Variants in MLXIP observed in about 807,000 individuals in gnomAD.
The protein encoded by MLXIP is MLX-interacting protein.
A neutral mutation model predicts 87.2 loss-of-function variants in MLXIP; 30 were observed. That is an observed-to-expected ratio of 0.34 (90% CI 0.26 to 0.47). The LOEUF (loss-of-function observed/expected upper bound fraction) is 0.47. Among genes scored for constraint, MLXIP ranks in the 20% least tolerant of loss-of-function variants. The pLI is 1.00. For missense variants in MLXIP, 1,002 were observed against 1,240.1 expected, an observed-to-expected ratio of 0.81 and a Z score of 2.88; for synonymous variants, 530 against 514.0, an observed-to-expected ratio of 1.03 and a Z score of -0.42.
chr12:122,101,478 T>C (rs996095799), intron 1 of MLXIP, among the ~76,000 whole-genome samples: 3 of 151,376 alleles, frequency 2.0e-5, no homozygotes, highest in African/African-American at 7.2e-5. Context: ...CTTTTTGTGT[T>C]GTATTTAAGA....
rs370703829 is a variant in MLXIP at position 122,138,797 on chromosome 12, C to T, written c.2385-18C>T. On this transcript the variant is annotated intron_variant, in intron 14 of 16. Transcript: ENST00000319080. ...GCCACTGGCTGCTCCACAGCTCCCA[C>T]GGCTCCTGTCATTTCAGCTCCTGCC... 4.0e-5 allele frequency: 64 copies of T among 1,610,994 alleles called. No individual in the cohort carries two copies. The highest frequency in any genetic ancestry group is 1.0e-4 in the Admixed American group (6 of 59,724).
At chr12:122,110,092 A>G (rs1952581219) in intron 1 of MLXIP, among the ~76,000 whole-genome samples, 1 of 152,144 alleles carries the variant, frequency 6.6e-6, no homozygotes, top group Admixed American at 6.6e-5. Flanking sequence ...TAAAACTGAA[A>G]ATAATTGGGA....
chr12:122,093,914 T>G (rs1952295561), intron 1 of MLXIP, among the ~76,000 whole-genome samples: 1 of 120,624 alleles, frequency 8.3e-6, no homozygotes, highest in Non-Finnish European at 1.7e-5. Flanking sequence ...GTGTGTGTGT[T>G]TGCGGTGTCT....
At chr12:122,129,503 C>A in intron 4 of MLXIP, 85 bp from the exon 5 acceptor site, 1 of 1,503,308 alleles carries the variant, frequency 6.7e-7, no homozygotes, top group Non-Finnish European at 9.1e-7. Context: ...CCCTACCTGC[C>A]TCCCTGAGAG....
At chr12:122,124,736 TA>T (rs1170594086) in intron 1 of MLXIP, among the ~76,000 whole-genome samples, 6 of 152,018 alleles carry the variant, frequency 3.9e-5, no homozygotes, top group Non-Finnish European at 8.8e-5. Flanking sequence ...ATTTTTTTTT[TA>T]ATTATGCCTT....
In MLXIP at chr12:122,078,807, T is replaced by C. The variant is rs945059795; in HGVS notation, c.-47T>C. ...GGCGCCCCTCTGCCTCGCGCGCTTG[T>C]CGCGTTGCCCCGGGCTCCGGGGGAT... On this transcript the variant is annotated 5_prime_UTR_variant, in exon 1 of 17. Coordinates refer to ENST00000319080, the MANE Select transcript of MLXIP (RefSeq NM_014938.6). 3.9e-6 allele frequency: 4 copies of C among 1,030,942 alleles called. No individual in the cohort carries two copies. The highest frequency in any genetic ancestry group is 1.8e-5 in the African/African-American group (1 of 56,792). 63.9% of individuals were successfully genotyped at this position (1,030,942 alleles called of 1,614,324 possible).
At chr12:122,080,430 A>G (rs1261078018) in intron 1 of MLXIP, among the ~76,000 whole-genome samples, 1 of 152,194 alleles carries the variant, frequency 6.6e-6, no homozygotes, top group Non-Finnish European at 1.5e-5. Context: ...GTGAGCCCCA[A>G]GCATATCCAG....
intron 1 of MLXIP, among the ~76,000 whole-genome samples, chr12:122,094,444 T>C (rs1952312318): frequency 7.1e-6 from 1 of 141,498 alleles, no homozygotes; most frequent in African/African-American, 2.7e-5. Flanking sequence ...GTATGCGGTG[T>C]CTGGTGTGGT....
At chr12:122,094,039 CTG>C (rs1225859522) in intron 1 of MLXIP, among the ~76,000 whole-genome samples, 170 of 116,646 alleles carry the variant, frequency 1.5e-3, no homozygotes, top group African/African-American at 5.3e-3. Context: ...TTTGCGCTAT[CTG>C]TGTGGTGTGT....
chr12:122,127,935 C>T lies in MLXIP; in HGVS notation c.573C>T (p.Gly191=). Residue 191 remains glycine (G), a synonymous_variant, in exon 3 of 17, where the codon GGC becomes GGT. Transcript: ENST00000319080. ...PVCHFVTPLD[G]SVDVDEHRRP... ...GCCACTTTGTGACACCCCTGGACGG[C>T]TCTGTGGACGTAGACGAGCACCGCC... 6.2e-7 allele frequency: 1 copy of T among 1,613,828 alleles called. No homozygotes were observed.
At chr12:122,122,130 A>G (rs996561176) in intron 1 of MLXIP, among the ~76,000 whole-genome samples, 2 of 152,156 alleles carry the variant, frequency 1.3e-5, no homozygotes, top group African/African-American at 4.8e-5. Context: ...GGGGGAAGCC[A>G]GTGGTCTTGC....
intron 1 of MLXIP, among the ~76,000 whole-genome samples, chr12:122,098,065 G>C (rs1952382642): frequency 6.6e-6 from 1 of 152,262 alleles, no homozygotes; most frequent in Non-Finnish European, 1.5e-5. Context: ...CAGGGCCTGT[G>C]TGGAGCCAGC....
rs1331808205 is a variant in MLXIP, at chr12:122,078,785, G to T, written c.-69G>T. ...GGCGCGCGGGCCGGGCCGGGCCGGC[G>T]CCCCTCTGCCTCGCGCGCTTGTCGC... On this transcript the variant is annotated 5_prime_UTR_variant, in exon 1 of 17. Transcript: ENST00000319080. The T allele has an allele frequency of 4.9e-6, 5 of 1,018,706 alleles. No individual in the cohort carries two copies. The highest frequency in any genetic ancestry group is 5.9e-6 in the Non-Finnish European group (5 of 853,790). The allele number at this position is 1,018,706 out of a possible 1,614,324, so 63.1% of individuals were successfully genotyped here. A position where few individuals can be genotyped will look rare whatever the true frequency, so the allele number is the denominator to read the frequency against.
chr12:122,102,797 A>T (rs985904535), intron 1 of MLXIP, among the ~76,000 whole-genome samples: 2 of 152,248 alleles, frequency 1.3e-5, no homozygotes, highest in Non-Finnish European at 2.9e-5. Flanking sequence ...AGAGTGAAAC[A>T]AGTCAATCCC....
At chr12:122,094,695 TTG>T (rs1400786892) in intron 1 of MLXIP, among the ~76,000 whole-genome samples, 4 of 141,098 alleles carry the variant, frequency 2.8e-5, no homozygotes, top group Non-Finnish European at 4.7e-5. Context: ...CTGTTGTGTG[TTG>T]TGTGTGTGGT....
At chr12:122,102,433 G>A (rs1952451671) in intron 1 of MLXIP, among the ~76,000 whole-genome samples, 1 of 152,254 alleles carries the variant, frequency 6.6e-6, no homozygotes, top group Non-Finnish European at 1.5e-5. Flanking sequence ...GGAGAGCATC[G>A]AGATCCATTC....
At position 122,147,067 on chromosome 12, in the gene MLXIP, A is replaced by T. The variant is rs1953315842; in HGVS notation, c.*5255A>T. On this transcript the variant is annotated 3_prime_UTR_variant, in exon 17 of 17. Coordinates refer to ENST00000319080, the MANE Select transcript of MLXIP (RefSeq NM_014938.6). ...CATGTTCCGTTCCTTTTTCAGGTTC[A>T]GTTTGTTGTGTAAATGGCGGTTTTT... 1 of 152,196 alleles carries T rather than the reference A, an allele frequency of 6.6e-6. No homozygotes were observed. The highest frequency in any genetic ancestry group is 1.5e-5 in the Non-Finnish European group (1 of 68,024). 9.4% of individuals were successfully genotyped at this position (152,196 alleles called of 1,614,324 possible). A position where few individuals can be genotyped will look rare whatever the true frequency, so the allele number is the denominator to read the frequency against.
rs1953079606 is a variant in MLXIP at position 122,135,747 on chromosome 12, T to TGGG, written c.2032+82_2032+84dup. On this transcript the variant is annotated intron_variant, in intron 11 of 16. Transcript: ENST00000319080. This position sits in a 1 kb window ranked among gnomAD's most constrained non-coding sequence, Gnocchi z 5.3. ...GCCGTAGACCATGGGGGGTGCTTGC[T>TGGG]GGGTCCCCAGGACGGAGCCTGGGCT... The TGGG allele has an allele frequency of 7.1e-7, 1 of 1,417,326 alleles. No homozygotes were observed. The allele number at this position is 1,417,326 out of a possible 1,614,324, so 87.8% of individuals were successfully genotyped here.
intron 13 of MLXIP, 27 bp from the exon 14 acceptor site, chr12:122,138,397 G>A (rs374360388): frequency 6.2e-7 from 1 of 1,611,622 alleles, no homozygotes; most frequent in Non-Finnish European, 8.5e-7. Flanking sequence ...TGTGGGTGCT[G>A]CCTCCAGCCA....
Sources: allele counts gnomAD v4.1 joint callset (sites outside exome capture counted in the v4.1 genomes callset), GRCh38; gene constraint gnomAD v4.1.1; non-coding constraint Gnocchi (gnomAD v3.1); transcripts MANE v1.5; gene names NCBI Gene and HGNC (gene_info 2026-07-23, HGNC 2026-07-21).